PPP4R1: variants seen among roughly 807,000 people sequenced by gnomAD.
The protein encoded by PPP4R1 is serine/threonine-protein phosphatase 4 regulatory subunit 1.
PPP4R1 carries 42 observed loss-of-function variants against 111.2 expected under a neutral mutation model. That is an observed-to-expected ratio of 0.38 (90% CI 0.29 to 0.49). The LOEUF (loss-of-function observed/expected upper bound fraction) is 0.49, where lower values mean the gene tolerates loss of function less well. Among genes scored for constraint, PPP4R1 ranks in the 20% least tolerant of loss-of-function variants. PPP4R1 has a pLI of 0.97. For synonymous variants in PPP4R1, 409 were observed against 405.5 expected, an observed-to-expected ratio of 1.01 and a Z score of -0.10; for missense variants, 1,012 against 1,161.6, an observed-to-expected ratio of 0.87 and a Z score of 1.87.
In PPP4R1 at chr18:9,570,191, A is replaced by C. The variant is rs2066837048; in HGVS notation, c.1539T>G (p.Asn513Lys). The C allele has an allele frequency of 4.5e-6, 7 of 1,540,660 alleles. No homozygotes were observed. Among genetic ancestry groups the C allele is most frequent in the Non-Finnish European group, 6.1e-6 (7 of 1,146,130 alleles). ...CTGGATCATCAATGTGGGGCTCTAG[A>C]TTTTCTATCATTTCTTCCAGTTCCT... ...TRKELEEMIE[N>K]LEPHIDDPDV... Residue 513 changes from asparagine to lysine, a missense_variant, in exon 11 of 20, where the codon AAT becomes AAG. Transcript: ENST00000400556.
intron 19 of PPP4R1, among the ~76,000 whole-genome samples, chr18:9,548,377 T>C (rs959944196): frequency 5.3e-5 from 8 of 151,552 alleles, no homozygotes; most frequent in African/African-American, 1.9e-4. Context: ...TCCGTGCAAC[T>C]ATATTTATGA....
chr18:9,569,414 C>A (rs1210142169), intron 11 of PPP4R1, among the ~76,000 whole-genome samples: 1 of 152,048 alleles, frequency 6.6e-6, no homozygotes, highest in African/African-American at 2.4e-5. Context: ...TGCAGTAGTG[C>A]GACAAACATT....
chr18:9,584,523 C>T lies in PPP4R1; in HGVS notation c.751G>A (p.Glu251Lys). Residue 251 changes from glutamate to lysine, a missense_variant, in exon 8 of 20, where the codon GAA becomes AAA. This residue lies in a region of PPP4R1 where 707 missense variants were observed against 742.1 expected (regional missense o/e 0.95). Coordinates refer to ENST00000400556, the MANE Select transcript of PPP4R1 (RefSeq NM_001042388.3). ...ATATCTGCAATACTTACCAACATTT[C>T]TTCAGTAGCTTGCTGGCCAACTACA... Reference protein sequence around the residue: ...CSVVGQQATEEMLLPRFFQLC... With the variant: ...CSVVGQQATEKMLLPRFFQLC... The T allele has an allele frequency of 1.9e-6, 3 of 1,613,042 alleles. No individual in the cohort carries two copies. The highest frequency in any genetic ancestry group is 2.5e-6 in the Non-Finnish European group (3 of 1,179,568).
At chr18:9,550,510 C>T (rs986898138) in intron 16 of PPP4R1, 112 bp from the exon 17 acceptor site, 20 of 1,259,570 alleles carry the variant, frequency 1.6e-5, no homozygotes, top group Non-Finnish European at 2.2e-5. Context: ...CTGTCTCAAA[C>T]ATACGCAAAG....
At position 9,547,701 on chromosome 18, in the gene PPP4R1, C is replaced by T. The variant is rs754302922; in HGVS notation, c.*88G>A. The T allele has an allele frequency of 2.3e-5, 34 of 1,508,754 alleles. No individual in the cohort carries two copies. The highest frequency in any genetic ancestry group is 4.8e-4 in the Middle Eastern group (2 of 4,132). The allele number at this position is 1,508,754 out of a possible 1,614,324, so 93.5% of individuals were successfully genotyped here. A position where few individuals can be genotyped will look rare whatever the true frequency, so the allele number is the denominator to read the frequency against. On this transcript the variant is annotated 3_prime_UTR_variant, in exon 20 of 20. Coordinates refer to ENST00000400556, the MANE Select transcript of PPP4R1 (RefSeq NM_001042388.3). ...CAGGAGAGGAAGGTCTCTCCTCCCCCGAAAGCTATCCCAGGTCACATGCGT... is the reference window on the plus strand; with the variant it reads ...CAGGAGAGGAAGGTCTCTCCTCCCCTGAAAGCTATCCCAGGTCACATGCGT...
chr18:9,553,002 G>A (rs1363243262), intron 16 of PPP4R1, among the ~76,000 whole-genome samples: 1 of 152,194 alleles, frequency 6.6e-6, no homozygotes, highest in East Asian at 1.9e-4. Context: ...TTTTCGGGAG[G>A]TTAACATTTC....
intron 15 of PPP4R1, among the ~76,000 whole-genome samples, chr18:9,555,163 C>T (rs149516068): frequency 8.6e-5 from 13 of 152,000 alleles, no homozygotes; most frequent in Admixed American, 2.0e-4. Context: ...CTCAGTTGGG[C>T]GTGGTGGTGC....
intron 11 of PPP4R1, among the ~76,000 whole-genome samples, chr18:9,568,179 A>G (rs2066800667): frequency 6.6e-6 from 1 of 152,154 alleles, no homozygotes; most frequent in African/African-American, 2.4e-5. Context: ...GTGTGCAATC[A>G]TGCCCAGCTA....
intron 10 of PPP4R1, among the ~76,000 whole-genome samples, chr18:9,573,700 C>T (rs546329235): frequency 2.3e-4 from 35 of 152,190 alleles, no homozygotes; most frequent in South Asian, 8.3e-4. Flanking sequence ...TGGGCTGAAG[C>T]GATCCTCCTG....
intron 6 of PPP4R1, among the ~76,000 whole-genome samples, chr18:9,586,649 C>A (rs2067121310): frequency 6.6e-6 from 1 of 151,982 alleles, no homozygotes; most frequent in Non-Finnish European, 1.5e-5. Context: ...TAATTCATCC[C>A]ATTACTGATG....
chr18:9,563,347 C>A (rs1234968889), intron 12 of PPP4R1, 31 bp downstream of exon 12: 1 of 1,563,034 alleles, frequency 6.4e-7, no homozygotes. Flanking sequence ...AAACTACTCT[C>A]ATTTGGTAAA....
intron 2 of PPP4R1, among the ~76,000 whole-genome samples, chr18:9,602,820 C>CAAAAAAAAAAAAAAAAAAAA (rs536444961): frequency 6.9e-6 from 1 of 144,604 alleles, no homozygotes. Flanking sequence ...GACACTGTCT[C>CAAAAAAAAAAAAAAAAAAAA]AAAAAAAAAG....
In PPP4R1 at chr18:9,608,069, C is replaced by T. The variant is rs1019855547; in HGVS notation, c.52+6157G>A. On this transcript the variant is annotated intron_variant, in intron 2 of 19. Coordinates refer to ENST00000400556, the MANE Select transcript of PPP4R1 (RefSeq NM_001042388.3). The stretch of plus-strand genomic sequence containing the variant: ...AAAGTGCTGGGATTACAGGCATAAG[C>T]CACCGCACCGGGCTGGCAGTTTCTT... 7.9e-5 allele frequency among the ~76,000 whole-genome samples: 12 copies of T among 152,118 alleles called. 1 individual carries two copies. Among genetic ancestry groups the T allele is most frequent in the Admixed American group, 7.2e-4 (11 of 15,262 alleles).
At position 9,557,251 on chromosome 18, in the gene PPP4R1, A is replaced by G. The variant is rs771433019; in HGVS notation, c.2160T>C (p.Gly720=). 1.2e-6 allele frequency: 2 copies of G among 1,601,500 alleles called. No homozygotes were observed. The highest frequency in any genetic ancestry group is 1.7e-6 in the Non-Finnish European group (2 of 1,176,734). Residue 720 remains glycine (G), a synonymous_variant, in exon 15 of 20, where the codon GGT becomes GGC. Coordinates refer to ENST00000400556, the MANE Select transcript of PPP4R1 (RefSeq NM_001042388.3). The stretch of plus-strand genomic sequence containing the variant: ...GAAAATCATGCAAGTGTTTAAGAAC[A>G]CCTATCCTGACTTCATCGAGGTCTT... The part of the protein sequence containing the change: ...FLKDLDEVRI[G]VLKHLHDFLK...
intron 15 of PPP4R1, 60 bp downstream of exon 15, chr18:9,557,161 A>C: frequency 6.9e-7 from 1 of 1,445,282 alleles, no homozygotes; most frequent in East Asian, 2.3e-5. Context: ...AGCAGAAGAT[A>C]AAGATTTAGA....
intron 5 of PPP4R1, 54 bp downstream of exon 5, chr18:9,588,657 C>T (rs539930079): frequency 1.5e-5 from 22 of 1,472,434 alleles, no homozygotes; most frequent in Non-Finnish European, 2.0e-5. Context: ...CGGCTATTCT[C>T]CATATATTAC....
chr18:9,579,050 C>T (rs1336028442), intron 9 of PPP4R1, among the ~76,000 whole-genome samples: 1 of 152,154 alleles, frequency 6.6e-6, no homozygotes, highest in Non-Finnish European at 1.5e-5. Context: ...TACTATTAAT[C>T]TACCTCCTTG....
In PPP4R1 at chr18:9,614,354, C is replaced by A. The variant is rs1408730566; in HGVS notation, c.8-84G>T. On this transcript the variant is annotated intron_variant, in intron 1 of 19. Transcript: ENST00000400556. The surrounding 1 kb of genome is among the most constrained non-coding windows in gnomAD (Gnocchi z 4.1). ...CCCCCCCCGCCCGCCTCCCCCCCGC[C>A]CCGGGGGCGCCTTCCCGCGCCGGGA... is the stretch of plus-strand genomic sequence containing the variant. 5.5e-5 allele frequency: 58 copies of A among 1,061,880 alleles called. No homozygotes were observed. Among genetic ancestry groups the A allele is most frequent in the Non-Finnish European group, 6.5e-5 (57 of 872,344 alleles). The allele number at this position is 1,061,880 out of a possible 1,614,324, so 65.8% of individuals were successfully genotyped here.
intron 2 of PPP4R1, among the ~76,000 whole-genome samples, chr18:9,609,925 A>G (rs1255876321): frequency 6.6e-6 from 1 of 152,262 alleles, no homozygotes; most frequent in Non-Finnish European, 1.5e-5. Context: ...CCCTTTGGGC[A>G]TTAGTCAACT....
Sources: allele counts gnomAD v4.1 joint callset (sites outside exome capture counted in the v4.1 genomes callset), GRCh38; gene constraint gnomAD v4.1.1; regional missense constraint gnomAD v4.1.1; non-coding constraint Gnocchi (gnomAD v3.1); transcripts MANE v1.5; gene names NCBI Gene and HGNC (gene_info 2026-07-23, HGNC 2026-07-21).